TEC: variants seen among roughly 807,000 people sequenced by gnomAD.
TEC encodes tyrosine-protein kinase Tec.
TEC carries 72 observed loss-of-function variants against 93.0 expected under a neutral mutation model. The ratio of observed to expected loss-of-function variants is 0.77; its 90% confidence interval spans 0.64 to 0.94. TEC has a LOEUF of 0.94. Among genes scored for constraint, TEC ranks in the 40% least tolerant of loss-of-function variants. TEC has a pLI of 0.00. For synonymous variants in TEC, 249 were observed against 247.7 expected (o/e 1.01, Z -0.05); for missense variants, 630 against 757.9 (o/e 0.83, Z 1.98).
rs116115724 is a variant in TEC, at chr4:48,175,010, A to G, written c.243+1072T>C. 6.8e-3 allele frequency among the ~76,000 whole-genome samples: 1,040 copies of G among 152,356 alleles called. 14 individuals carry two copies. Among genetic ancestry groups the G allele is most frequent in the African/African-American group, 0.024 (980 of 41,584 alleles). ...GGTTAAGTGACTTACACAAGCTCAC[A>G]TAGCCAGTAAGCAAATCAGGCAGTT... On this transcript the variant is annotated intron_variant, in intron 3 of 17. Transcript: ENST00000381501.
intron 1 of TEC, among the ~76,000 whole-genome samples, chr4:48,260,670 C>T (rs143790859): frequency 2.4e-4 from 37 of 151,990 alleles, no homozygotes; most frequent in African/African-American, 8.0e-4. Flanking sequence ...AAAATACCAC[C>T]GTATGCTAAC....
chr4:48,245,002 T>A (rs1199026977), intron 1 of TEC, among the ~76,000 whole-genome samples: 3 of 152,158 alleles, frequency 2.0e-5, no homozygotes, highest in Non-Finnish European at 4.4e-5. Context: ...TATCTTAATC[T>A]TTAAAAATTA....
intron 2 of TEC, among the ~76,000 whole-genome samples, chr4:48,199,271 T>C (rs1166105089): frequency 6.6e-6 from 1 of 151,966 alleles, no homozygotes; most frequent in African/African-American, 2.4e-5. Context: ...AACCCCAACT[T>C]CTCACTTGCG....
intron 2 of TEC, among the ~76,000 whole-genome samples, chr4:48,208,294 C>G (rs1722781706): frequency 2.6e-5 from 4 of 152,230 alleles, no homozygotes; most frequent in African/African-American, 7.2e-5. Context: ...GGACTGACCT[C>G]TCCAAGATCA....
At chr4:48,222,761 G>A (rs749597696) in intron 2 of TEC, among the ~76,000 whole-genome samples, 15 of 152,004 alleles carry the variant, frequency 9.9e-5, no homozygotes, top group Non-Finnish European at 2.1e-4. Flanking sequence ...GTCATGGTTC[G>A]CAGGCCTTCA....
chr4:48,176,908 C>T (rs1381160817), intron 2 of TEC, among the ~76,000 whole-genome samples: 23 of 152,312 alleles, frequency 1.5e-4, no homozygotes, highest in Non-Finnish European at 2.9e-5. Context: ...GCTCTGTTTT[C>T]CCCTTCACTG....
intron 15 of TEC, among the ~76,000 whole-genome samples, chr4:48,140,996 G>A (rs1719634065): frequency 6.6e-6 from 1 of 151,930 alleles, no homozygotes; most frequent in Non-Finnish European, 1.5e-5. Flanking sequence ...GGAGGGAGAA[G>A]AGAGAAAAAA....
At chr4:48,191,835 G>C (rs977722326) in intron 2 of TEC, among the ~76,000 whole-genome samples, 1 of 152,072 alleles carries the variant, frequency 6.6e-6, no homozygotes, top group Non-Finnish European at 1.5e-5. Context: ...CCAGCTACTC[G>C]GGAGGTTGAG....
intron 11 of TEC, among the ~76,000 whole-genome samples, chr4:48,147,030 T>C (rs919448334): frequency 2.0e-5 from 3 of 152,172 alleles, no homozygotes; most frequent in South Asian, 2.1e-4. Context: ...CACTGAAATA[T>C]TGAAGTCTCC....
chr4:48,202,607 T>C (rs1366944474), intron 2 of TEC, among the ~76,000 whole-genome samples: 1 of 152,196 alleles, frequency 6.6e-6, no homozygotes, highest in East Asian at 1.9e-4. Flanking sequence ...GCAATATTAC[T>C]AACTTTTCTT....
At chr4:48,209,067 A>C (rs1722807717) in intron 2 of TEC, among the ~76,000 whole-genome samples, 1 of 152,180 alleles carries the variant, frequency 6.6e-6, no homozygotes, top group Admixed American at 6.5e-5. Flanking sequence ...CTGGGTAGAT[A>C]TATTCCTCCA....
intron 1 of TEC, among the ~76,000 whole-genome samples, chr4:48,267,569 GC>G (rs753860784): frequency 7.2e-5 from 11 of 152,192 alleles, no homozygotes; most frequent in Non-Finnish European, 1.5e-4. Flanking sequence ...AGACTTGAAT[GC>G]CCAATTTATG....
At chr4:48,225,231 G>A (rs747283300) in intron 2 of TEC, among the ~76,000 whole-genome samples, 5 of 151,646 alleles carry the variant, frequency 3.3e-5, no homozygotes, top group African/African-American at 4.8e-5. Context: ...GCTGGAGTGC[G>A]TGGTACAACC....
At chr4:48,200,821 G>A (rs781437721) in intron 2 of TEC, among the ~76,000 whole-genome samples, 3 of 152,150 alleles carry the variant, frequency 2.0e-5, no homozygotes, top group Non-Finnish European at 2.9e-5. Context: ...GCCATCTTTG[G>A]CAAAAACAAA....
At chr4:48,140,517 A>G (rs1416347793) in intron 15 of TEC, among the ~76,000 whole-genome samples, 1 of 152,132 alleles carries the variant, frequency 6.6e-6, no homozygotes, top group Non-Finnish European at 1.5e-5. Flanking sequence ...GGATCAGTCA[A>G]CTTTTATGTA....
At chr4:48,146,985 G>A (rs747098656) in intron 11 of TEC, among the ~76,000 whole-genome samples, 14 of 152,182 alleles carry the variant, frequency 9.2e-5, no homozygotes, top group Admixed American at 2.6e-4. Context: ...GGTAGGGTCT[G>A]GGAAAATCAG....
chr4:48,156,639 T>C (rs1720414606), intron 9 of TEC, 41 bp downstream of exon 9: 1 of 1,575,808 alleles, frequency 6.3e-7, no homozygotes, highest in East Asian at 2.3e-5. Context: ...TCATTAAAAT[T>C]AATTTGCCCT....
rs547480983 is a variant in TEC, at chr4:48,252,658, T to C, written c.-46+17094A>G. Among the ~76,000 whole-genome samples, 27 of 152,296 alleles carry C rather than the reference T, an allele frequency of 1.8e-4. No homozygotes were observed. The South Asian group carries it at 4.4e-3, about 25-fold the overall frequency. ...AGATAGAGACATAAAGGCAGAGATA[T>C]AGGCAGACAATCACTCCATGTCATT... is the stretch of plus-strand genomic sequence containing the variant. On this transcript the variant is annotated intron_variant, in intron 1 of 17. Coordinates refer to ENST00000381501, the MANE Select transcript of TEC (RefSeq NM_003215.3).
intron 2 of TEC, among the ~76,000 whole-genome samples, chr4:48,206,567 G>A (rs1022703177): frequency 3.3e-5 from 5 of 152,066 alleles, no homozygotes; most frequent in Admixed American, 2.0e-4. Context: ...ATTTTCATTC[G>A]TGATAAGAGA....
Sources: gnomAD v4.1 joint callset for allele counts (sites outside exome capture counted in the v4.1 genomes callset) on GRCh38, gnomAD v4.1.1 for gene constraint, MANE v1.5 for transcripts, NCBI Gene and HGNC (gene_info 2026-07-23, HGNC 2026-07-21) for gene names.